The following SH3RF3 variants were observed in gnomAD, a reference collection of about 807,000 sequenced individuals.
SH3RF3 encodes the protein SH3 domain containing ring finger 3, also known as E3 ubiquitin-protein ligase SH3RF3.
SH3RF3 carries 29 observed loss-of-function variants against 66.3 expected under a neutral mutation model. That is an observed-to-expected ratio of 0.44 (90% confidence interval 0.33 to 0.60). The LOEUF (loss-of-function observed/expected upper bound fraction) is 0.60. Ranked by LOEUF, SH3RF3 falls within the 20% of genes least tolerant of loss-of-function variation. The pLI, the probability that SH3RF3 is intolerant of heterozygous loss-of-function variation, is 0.04. For missense variants in SH3RF3, 1,194 were observed against 1,190.9 expected (o/e 1.00, Z -0.04); for synonymous variants, 583 against 532.0 (o/e 1.10, Z -1.32).
At chr2:109,426,990 G>A (rs1157168278) in intron 5 of SH3RF3, among the ~76,000 whole-genome samples, 1 of 150,746 alleles carries the variant, frequency 6.6e-6, no homozygotes, top group Non-Finnish European at 1.5e-5. Flanking sequence ...TTTTTTTTGA[G>A]ACGAGTCTCG....
intron 1 of SH3RF3, among the ~76,000 whole-genome samples, chr2:109,226,357 A>G (rs1320494520): frequency 3.3e-5 from 5 of 152,210 alleles, no homozygotes; most frequent in African/African-American, 4.8e-5. Flanking sequence ...ACATTGACTC[A>G]GGAAGGTCAG....
chr2:109,341,299 T>C (rs1015788778), intron 1 of SH3RF3, among the ~76,000 whole-genome samples: 6 of 152,226 alleles, frequency 3.9e-5, no homozygotes. Flanking sequence ...AACTTCTTCA[T>C]CGCGGATTAA....
At chr2:109,136,841 A>G (rs1676825794) in intron 1 of SH3RF3, among the ~76,000 whole-genome samples, 1 of 152,172 alleles carries the variant, frequency 6.6e-6, no homozygotes, top group Non-Finnish European at 1.5e-5. Context: ...GCATGCTTGC[A>G]CCGGGGCACC....
At chr2:109,443,624 G>C (rs1677632462) in intron 7 of SH3RF3, among the ~76,000 whole-genome samples, 2 of 152,148 alleles carry the variant, frequency 1.3e-5, no homozygotes, top group Admixed American at 1.3e-4. Flanking sequence ...ATCAGATAGA[G>C]CAGAATTTAT....
chr2:109,174,781 G>T (rs1677878950), intron 1 of SH3RF3, among the ~76,000 whole-genome samples: 1 of 152,224 alleles, frequency 6.6e-6, no homozygotes, highest in African/African-American at 2.4e-5. Flanking sequence ...ACTCGCTGGA[G>T]CCCTGCTGGC....
At chr2:109,191,791 A>G (rs1280288906) in intron 1 of SH3RF3, among the ~76,000 whole-genome samples, 1 of 152,204 alleles carries the variant, frequency 6.6e-6, no homozygotes, top group East Asian at 1.9e-4. Context: ...CCTGTTGGGC[A>G]AAGTCCCCAG....
At chr2:109,302,872 C>G (rs1681503570) in intron 1 of SH3RF3, among the ~76,000 whole-genome samples, 1 of 152,062 alleles carries the variant, frequency 6.6e-6, no homozygotes, top group Non-Finnish European at 1.5e-5. Flanking sequence ...ATCTCCTTAG[C>G]TTTTTTTGTT....
intron 1 of SH3RF3, among the ~76,000 whole-genome samples, chr2:109,199,603 G>GC (rs1678605742): frequency 7.8e-3 from 2 of 258 alleles, no homozygotes; most frequent in Admixed American, 0.045. Context: ...GGAATGGAAT[G>GC]GAATGGAATG....
At chr2:109,496,037 A>G (rs1345531083) in intron 9 of SH3RF3, among the ~76,000 whole-genome samples, 2 of 152,192 alleles carry the variant, frequency 1.3e-5, no homozygotes, top group Non-Finnish European at 2.9e-5. Context: ...AAGCTTCCAC[A>G]TGGAAGGGGA....
chr2:109,231,460 C>T (rs536531176), intron 1 of SH3RF3, among the ~76,000 whole-genome samples: 1 of 152,240 alleles, frequency 6.6e-6, no homozygotes, highest in Non-Finnish European at 1.5e-5. Context: ...AAGTCTCACC[C>T]ACATTCTAAT....
intron 1 of SH3RF3, among the ~76,000 whole-genome samples, chr2:109,289,144 C>G (rs1681105752): frequency 6.6e-6 from 1 of 152,164 alleles, no homozygotes; most frequent in Admixed American, 6.5e-5. Flanking sequence ...AAATTATTAA[C>G]TATCTCCTCC....
chr2:109,151,714 G>A (rs1275438447), intron 1 of SH3RF3, among the ~76,000 whole-genome samples: 1 of 152,234 alleles, frequency 6.6e-6, no homozygotes, highest in African/African-American at 2.4e-5. Flanking sequence ...ACAGGTGGCT[G>A]CTGTATGGAA....
chr2:109,192,175 G>A (rs1037061411), intron 1 of SH3RF3, among the ~76,000 whole-genome samples: 2 of 152,084 alleles, frequency 1.3e-5, no homozygotes, highest in Admixed American at 6.5e-5. Flanking sequence ...TCTACATATG[G>A]CACTAACTCG....
At chr2:109,416,450 T>C (rs1163628748) in intron 4 of SH3RF3, among the ~76,000 whole-genome samples, 7 of 152,006 alleles carry the variant, frequency 4.6e-5, no homozygotes, top group Non-Finnish European at 8.8e-5. Flanking sequence ...ATACAAAATA[T>C]CTCGGCTCAC....
At chr2:109,261,835 T>C (rs1360919175) in intron 1 of SH3RF3, among the ~76,000 whole-genome samples, 1 of 152,196 alleles carries the variant, frequency 6.6e-6, no homozygotes, top group Non-Finnish European at 1.5e-5. Context: ...TCACTTATAG[T>C]AGGGAAACTG....
chr2:109,351,241 C>T (rs1013323027), intron 2 of SH3RF3, among the ~76,000 whole-genome samples: 15 of 152,182 alleles, frequency 9.9e-5, no homozygotes, highest in Admixed American at 2.0e-4. Flanking sequence ...GCCAGTCACC[C>T]GGGAGGGGCT....
rs72937602 is a variant in SH3RF3 at position 109,270,025 on chromosome 2, G to T, written c.574-77649G>T. Among the ~76,000 whole-genome samples, 33 of 152,306 alleles carry T rather than the reference G, an allele frequency of 2.2e-4. No homozygotes were observed. In the South Asian group the frequency reaches 6.4e-3, roughly 30 times the overall value. The stretch of plus-strand genomic sequence containing the variant: ...TGTGATGAAATACTTAATAGATTGC[G>T]ATTGAAGCCACTGTCTGAAGCTGAA... On this transcript the variant is annotated intron_variant, in intron 1 of 9. Coordinates refer to ENST00000309415, the MANE Select transcript of SH3RF3 (RefSeq NM_001099289.3).
At chr2:109,466,072 CTTTTTTTTT>C (rs1171998206) in intron 8 of SH3RF3, among the ~76,000 whole-genome samples, 13 of 82,384 alleles carry the variant, frequency 1.6e-4, no homozygotes, top group African/African-American at 2.6e-4. Flanking sequence ...ACCTGTACAT[CTTTTTTTTT>C]TTTTTTTTTT....
chr2:109,371,423 C>T (rs189442620), intron 2 of SH3RF3, among the ~76,000 whole-genome samples, 163 bp from the exon 3 acceptor site: 106 of 152,320 alleles, frequency 7.0e-4, no homozygotes, highest in Non-Finnish European at 1.2e-3. Context: ...AGAGAGGGTG[C>T]TCCTGGGTGA....
Sources: allele counts gnomAD v4.1 joint callset (sites outside exome capture counted in the v4.1 genomes callset), GRCh38; gene constraint gnomAD v4.1.1; transcripts MANE v1.5; gene names NCBI Gene and HGNC (gene_info 2026-07-23, HGNC 2026-07-21).